Variants in ERGIC2 observed in about 807,000 individuals in gnomAD.
ERGIC2 encodes the protein ERGIC and golgi 2.
A neutral mutation model predicts 52.5 loss-of-function variants in ERGIC2; 31 were observed. The observed-to-expected ratio is 0.59, with a 90% CI of 0.44 to 0.80. The LOEUF is 0.80. ERGIC2 is among the 30% of genes least tolerant of loss of function. ERGIC2 has a pLI of 0.00. For missense variants in ERGIC2, 395 were observed against 455.2 expected, an observed-to-expected ratio of 0.87 and a Z score of 1.20; for synonymous variants, 129 against 140.6, an observed-to-expected ratio of 0.92 and a Z score of 0.58.
At chr12:29,354,265 C>G (rs897949093) in intron 8 of ERGIC2, among the ~76,000 whole-genome samples, 17 of 152,154 alleles carry the variant, frequency 1.1e-4, no homozygotes, top group African/African-American at 7.2e-5. Flanking sequence ...TCCCAGAAAA[C>G]TAAGGGAAGC....
chr12:29,341,097 T>C lies in ERGIC2; in HGVS notation c.*59A>G. ...TTTGAATATATTGCACAATATTTTA[T>C]TATTAAAAAAAGGTTTTATGTCTCA... On this transcript the variant is annotated 3_prime_UTR_variant, in exon 14 of 14. Coordinates refer to ENST00000360150, the MANE Select transcript of ERGIC2 (RefSeq NM_016570.3). The C allele has an allele frequency of 9.2e-7, 1 of 1,084,888 alleles. No homozygotes were observed. Among genetic ancestry groups the C allele is most frequent in the Admixed American group, 2.1e-5 (1 of 47,536 alleles). 67.2% of individuals were successfully genotyped at this position (1,084,888 alleles called of 1,614,324 possible). A position where few individuals can be genotyped will look rare whatever the true frequency, so the allele number is the denominator to read the frequency against.
At chr12:29,355,343 T>C (rs1940188035) in intron 8 of ERGIC2, among the ~76,000 whole-genome samples, 1 of 152,212 alleles carries the variant, frequency 6.6e-6, no homozygotes, top group African/African-American at 2.4e-5. Flanking sequence ...ATATTTATAC[T>C]GTATAGTTTG....
At chr12:29,375,389 A>G (rs975031380) in intron 1 of ERGIC2, among the ~76,000 whole-genome samples, 4 of 152,072 alleles carry the variant, frequency 2.6e-5, no homozygotes, top group African/African-American at 9.7e-5. Flanking sequence ...AAGGAAGGAA[A>G]TTTTCCCAGA....
At chr12:29,357,580 A>G (rs1219559433) in intron 7 of ERGIC2, 43 bp downstream of exon 7, 1 of 1,025,542 alleles carries the variant, frequency 9.8e-7, no homozygotes, top group African/African-American at 1.6e-5. Flanking sequence ...ATGTCAAAGT[A>G]AATTCATAAT....
intron 5 of ERGIC2, among the ~76,000 whole-genome samples, chr12:29,362,890 G>A (rs1311347116): frequency 6.6e-6 from 1 of 152,058 alleles, no homozygotes. Context: ...AACCAATAAG[G>A]CTGTTGGCAG....
At chr12:29,352,007 T>C (rs1310722002) in intron 8 of ERGIC2, among the ~76,000 whole-genome samples, 3 of 152,270 alleles carry the variant, frequency 2.0e-5, no homozygotes, top group African/African-American at 4.8e-5. Context: ...AAATAATCCA[T>C]GGTACACTGT....
chr12:29,377,793 T>C (rs1940534497), intron 1 of ERGIC2, among the ~76,000 whole-genome samples: 1 of 152,222 alleles, frequency 6.6e-6, no homozygotes, highest in Non-Finnish European at 1.5e-5. Flanking sequence ...ATGAGACTAT[T>C]AAATGCTTTA....
At chr12:29,376,615 A>T (rs1940518626) in intron 1 of ERGIC2, among the ~76,000 whole-genome samples, 4 of 152,210 alleles carry the variant, frequency 2.6e-5, no homozygotes. Context: ...CTCCCCAAGT[A>T]GGAACTACCC....
At chr12:29,345,697 T>C (rs1940038549) in intron 10 of ERGIC2, 157 bp from the exon 11 acceptor site, 2 of 613,156 alleles carry the variant, frequency 3.3e-6, no homozygotes, top group Non-Finnish European at 5.8e-6. Flanking sequence ...GAGGACTGCT[T>C]GAGTGTGGGA....
At chr12:29,367,115 C>T (rs1410986561) in intron 4 of ERGIC2, among the ~76,000 whole-genome samples, 168 bp from the exon 5 acceptor site, 2 of 146,804 alleles carry the variant, frequency 1.4e-5, no homozygotes, top group Non-Finnish European at 3.0e-5. Context: ...AAAGCTAAAA[C>T]AGTAGCCTTA....
intron 6 of ERGIC2, among the ~76,000 whole-genome samples, chr12:29,358,813 AG>A (rs1940244116): frequency 6.6e-6 from 1 of 152,122 alleles, no homozygotes; most frequent in South Asian, 2.1e-4. Flanking sequence ...TAGATGTGCA[AG>A]CAGAAGATTA....
At chr12:29,341,618 C>A in intron 13 of ERGIC2, 116 bp downstream of exon 13, 1 of 645,614 alleles carries the variant, frequency 1.5e-6, no homozygotes, top group South Asian at 2.1e-5. Flanking sequence ...AGCGATCCTC[C>A]CGCCTTAGCC....
chr12:29,357,506 T>C (rs1169967500), intron 7 of ERGIC2, 117 bp downstream of exon 7: 1 of 643,426 alleles, frequency 1.6e-6, no homozygotes, highest in African/African-American at 1.8e-5. Flanking sequence ...TACAGAATGA[T>C]TCTATTTTCC....
intron 6 of ERGIC2, among the ~76,000 whole-genome samples, chr12:29,359,193 C>T (rs1433606882): frequency 1.3e-5 from 2 of 151,512 alleles, no homozygotes; most frequent in Admixed American, 6.6e-5. Flanking sequence ...TAGGATGCTT[C>T]AAGAAGCCAG....
At chr12:29,358,342 A>G (rs1940237013) in intron 6 of ERGIC2, among the ~76,000 whole-genome samples, 1 of 152,234 alleles carries the variant, frequency 6.6e-6, no homozygotes, top group Non-Finnish European at 1.5e-5. Flanking sequence ...CATCTGTAGT[A>G]AAGTTCAAAC....
rs141922850 is a variant in ERGIC2, at chr12:29,365,881, AAGT to A, written c.333+993_333+995del. 1.5e-4 allele frequency among the ~76,000 whole-genome samples: 23 copies of A among 152,102 alleles called. No individual in the cohort carries two copies. The East Asian group carries it at 4.2e-3, about 28-fold the overall frequency. The stretch of plus-strand genomic sequence containing the variant: ...TTTTTGAGTGGGAAAACGAGTCAGA[AAGT>A]AGAGTCAGAGTGGCAATAACAAAAG... On this transcript the variant is annotated intron_variant, in intron 5 of 13. Coordinates refer to ENST00000360150, the MANE Select transcript of ERGIC2 (RefSeq NM_016570.3).
chr12:29,357,834 T>G (rs1346153203), intron 6 of ERGIC2, 110 bp from the exon 7 acceptor site: 1 of 720,360 alleles, frequency 1.4e-6, no homozygotes, highest in Non-Finnish European at 2.4e-6. Context: ...CATTTATTAT[T>G]ACAGGATTTC....
intron 1 of ERGIC2, among the ~76,000 whole-genome samples, chr12:29,374,279 T>C (rs755029584): frequency 4.6e-5 from 7 of 152,182 alleles, no homozygotes; most frequent in Non-Finnish European, 7.3e-5. Context: ...GCTTATCACT[T>C]CTTTTTCTTC....
chr12:29,361,782 TA>T, intron 5 of ERGIC2, 97 bp from the exon 6 acceptor site: 1 of 867,308 alleles, frequency 1.2e-6, no homozygotes, highest in Non-Finnish European at 1.7e-6. Flanking sequence ...AACATAAACT[TA>T]AGTGTTGTTA....
Sources: allele counts gnomAD v4.1 joint callset (sites outside exome capture counted in the v4.1 genomes callset), GRCh38; gene constraint gnomAD v4.1.1; transcripts MANE v1.5; gene names NCBI Gene and HGNC (gene_info 2026-07-23, HGNC 2026-07-21).